Variants in SSBP4 observed in about 807,000 individuals in gnomAD.
The protein encoded by SSBP4 is single stranded DNA binding protein 4.
In SSBP4, 33 loss-of-function variants were observed where a neutral mutation model predicts 64.6. The observed-to-expected ratio is 0.51, with a 90% confidence interval of 0.39 to 0.68. SSBP4 has a LOEUF of 0.68. Ranked by LOEUF, SSBP4 falls within the 30% of genes least tolerant of loss-of-function variation. The pLI is 0.00. For synonymous variants in SSBP4, 243 were observed against 224.0 expected (o/e 1.08, Z -0.76); for missense variants, 583 against 566.8 (o/e 1.03, Z -0.29).
chr19:18,430,425 C>T (rs1034432195), intron 4 of SSBP4, among the ~76,000 whole-genome samples: 13 of 152,222 alleles, frequency 8.5e-5, no homozygotes, highest in African/African-American at 2.7e-4. Flanking sequence ...TTTCACCCTC[C>T]CTCCTGGACG....
Position 18,419,655 on chromosome 19 carries a change from G to A in SSBP4, c.7G>A (p.Ala3Thr). 2.4e-6 allele frequency: 3 copies of A among 1,252,544 alleles called. No homozygotes were observed. Among genetic ancestry groups the A allele is most frequent in the Non-Finnish European group, 3.0e-6 (3 of 993,814 alleles). 77.6% of individuals were successfully genotyped at this position (1,252,544 alleles called of 1,614,324 possible). A position where few individuals can be genotyped will look rare whatever the true frequency, so the allele number is the denominator to read the frequency against. ...GGCGGCGGCGTGGAGCAGCATGTAC[G>A]CCAAGGGGGGCAAGGGTTCGGCCGT... Reference protein sequence around the residue: MYAKGGKGSAVPS... With the variant: MYTKGGKGSAVPS... Residue 3 changes from alanine (A) to threonine (T), a missense_variant, in exon 1 of 18, where the codon GCC becomes ACC. Ala to Thr is a moderately conservative substitution (Grantham distance 58). This residue lies in a region of SSBP4 where 39 missense variants were observed against 25.7 expected (regional missense o/e 1.52). Coordinates refer to ENST00000270061, the MANE Select transcript of SSBP4 (RefSeq NM_032627.5).
At position 18,426,214 on chromosome 19, in the gene SSBP4, A is replaced by G. The variant is rs1391387418; in HGVS notation, c.60-1137A>G. On this transcript the variant is annotated intron_variant, in intron 1 of 17. Transcript: ENST00000270061. This position sits in a 1 kb window ranked among gnomAD's most constrained non-coding sequence, Gnocchi z 4.5. ...TGGAGCAGCCTGGCTGGGAGGGAGC[A>G]GAGCGTGAGTCAAAGGAAGGTTATT... is the stretch of plus-strand genomic sequence containing the variant. The G allele has an allele frequency of 6.6e-6, 1 of 152,332 alleles. No individual in the cohort carries two copies. Among genetic ancestry groups the G allele is most frequent in the Admixed American group, 6.5e-5 (1 of 15,276 alleles). 9.4% of individuals were successfully genotyped at this position (152,332 alleles called of 1,614,324 possible).
At chr19:18,420,600 C>T (rs1264440883) in intron 1 of SSBP4, among the ~76,000 whole-genome samples, 1 of 152,088 alleles carries the variant, frequency 6.6e-6, no homozygotes, top group East Asian at 1.9e-4. Context: ...TGGCTCACGC[C>T]TGTAATCCCA....
chr19:18,431,298 A>G, intron 5 of SSBP4, 55 bp from the exon 6 acceptor site: 1 of 381,684 alleles, frequency 2.6e-6, no homozygotes, highest in Admixed American at 5.6e-5. Flanking sequence ...TCCCCTCCTC[A>G]GCCAAACCCA....
Position 18,419,556 on chromosome 19 carries a change from G to A in SSBP4, c.-93G>A. The A allele has an allele frequency of 8.5e-7, 1 of 1,179,404 alleles. No homozygotes were observed. The highest frequency in any genetic ancestry group is 1.1e-6 in the Non-Finnish European group (1 of 951,464). 73.1% of individuals were successfully genotyped at this position (1,179,404 alleles called of 1,614,324 possible). On this transcript the variant is annotated 5_prime_UTR_variant, in exon 1 of 18. Coordinates refer to ENST00000270061, the MANE Select transcript of SSBP4 (RefSeq NM_032627.5). ...GCCCGCCTGGGGCTCGGGGCGGTGA[G>A]GCCCGGGGCGCGGGGTAGCTATGGC... is the stretch of plus-strand genomic sequence containing the variant.
the SSBP4 span, among the ~76,000 whole-genome samples, chr19:18,405,396 C>T: frequency 6.6e-5 from 10 of 151,932 alleles, no homozygotes; most frequent in African/African-American, 1.5e-4. Flanking sequence ...CGTGATGGCT[C>T]ATGCCTGTAA....
intron 1 of SSBP4, among the ~76,000 whole-genome samples, chr19:18,424,901 G>A (rs1972736661): frequency 6.6e-6 from 1 of 151,930 alleles, no homozygotes; most frequent in East Asian, 1.9e-4. Context: ...GGCTCAGGGT[G>A]TCGAGGCTGG....
chr19:18,432,931 G>A, intron 13 of SSBP4, 42 bp from the exon 14 acceptor site: 1 of 1,614,042 alleles, frequency 6.2e-7, no homozygotes, highest in Non-Finnish European at 8.5e-7. Flanking sequence ...GTGTGTTTGG[G>A]GGAAACCCCG....
chr19:18,432,444 C>T lies in SSBP4; in HGVS notation c.705-115C>T, dbSNP rs529338826. ...ATGGTGGCCACTTTTCCAGCAACAT[C>T]TGCTGCTCTGTGGTCGGTCTGGGGA... On this transcript the variant is annotated intron_variant, in intron 10 of 17. Coordinates refer to ENST00000270061, the MANE Select transcript of SSBP4 (RefSeq NM_032627.5). 5.7e-5 allele frequency: 82 copies of T among 1,447,920 alleles called. 1 individual carries two copies. The South Asian group carries it at 1.0e-3, about 18-fold the overall frequency. The allele number at this position is 1,447,920 out of a possible 1,614,324, so 89.7% of individuals were successfully genotyped here. A position where few individuals can be genotyped will look rare whatever the true frequency, so the allele number is the denominator to read the frequency against.
rs1215407413 is a variant in SSBP4, at chr19:18,427,529, C to T, written c.132+106C>T. ...TGGGCCCGCGTTGCCCCTCTGATGGCCCTGGGAACTGAGGGCTCTGCAGGG... is the reference window on the plus strand; with the variant it reads ...TGGGCCCGCGTTGCCCCTCTGATGGTCCTGGGAACTGAGGGCTCTGCAGGG... On this transcript the variant is annotated intron_variant, in intron 2 of 17. Coordinates refer to ENST00000270061, the MANE Select transcript of SSBP4 (RefSeq NM_032627.5). This position sits in a 1 kb window ranked among gnomAD's most constrained non-coding sequence, Gnocchi z 4.4. 7.8e-6 allele frequency: 11 copies of T among 1,401,920 alleles called. No individual in the cohort carries two copies. The Admixed American group carries it at 2.2e-4, about 28-fold the overall frequency. 86.8% of individuals were successfully genotyped at this position (1,401,920 alleles called of 1,614,324 possible).
chr19:18,432,941 G>T, intron 13 of SSBP4, 32 bp from the exon 14 acceptor site: 1 of 1,614,052 alleles, frequency 6.2e-7, no homozygotes, highest in Non-Finnish European at 8.5e-7. Context: ...GGGAAACCCC[G>T]TCACACCTGG....
Position 18,431,693 on chromosome 19 carries a change from G to C in SSBP4, c.482G>C (p.Arg161Pro). The change falls in exon 7 of 18, where the codon CGG becomes CCG. Residue 161 changes from arginine (R) to proline (P), a missense_variant. Arg to Pro is a moderately radical substitution (Grantham distance 103). This residue lies in a region of SSBP4 where 444 missense variants were observed against 386.6 expected (regional missense o/e 1.15). Coordinates refer to ENST00000270061, the MANE Select transcript of SSBP4 (RefSeq NM_032627.5). Reference sequence around the variant, plus strand: ...CCAGGGGGCCCCCGGCCCACCCTGCGGATGCCGAGTCAGGTGAGAAAGGGA... The same window carrying C: ...CCAGGGGGCCCCCGGCCCACCCTGCCGATGCCGAGTCAGGTGAGAAAGGGA... The part of the protein sequence containing the change: ...RFPGGPRPTL[R>P]MPSQPPAGLP... 2 of 1,552,060 alleles carry C rather than the reference G, an allele frequency of 1.3e-6. No individual in the cohort carries two copies. The highest frequency in any genetic ancestry group is 1.7e-6 in the Non-Finnish European group (2 of 1,148,260).
At chr19:18,405,042 T>C in the SSBP4 span, among the ~76,000 whole-genome samples, 1 of 136,438 alleles carries the variant, frequency 7.3e-6, no homozygotes, top group Non-Finnish European at 1.5e-5. Flanking sequence ...CTCCCTGGGG[T>C]GGCCCCGCCT....
At chr19:18,429,851 G>T (rs553310476) in intron 4 of SSBP4, among the ~76,000 whole-genome samples, 2 of 152,154 alleles carry the variant, frequency 1.3e-5, no homozygotes, top group Non-Finnish European at 2.9e-5. Flanking sequence ...GAGGCTTGAG[G>T]CTAACCTCAG....
chr19:18,427,698 T>TGGTG lies in SSBP4; in HGVS notation c.133-51_133-48dup. ...GATGTTCTCTGGGCACCCTGCTGGGTGGTGGGGCAGGGTCAGGTAGGGCCA... is the reference window on the plus strand; with the variant it reads ...GATGTTCTCTGGGCACCCTGCTGGGTGGTGGGTGGGGCAGGGTCAGGTAGGGCCA... On this transcript the variant is annotated intron_variant, in intron 2 of 17. Coordinates refer to ENST00000270061, the MANE Select transcript of SSBP4 (RefSeq NM_032627.5). This position sits in a 1 kb window ranked among gnomAD's most constrained non-coding sequence, Gnocchi z 4.4. 2.0e-6 allele frequency: 3 copies of TGGTG among 1,531,194 alleles called. No homozygotes were observed. The South Asian group carries it at 3.8e-5, about 19-fold the overall frequency. 94.9% of individuals were successfully genotyped at this position (1,531,194 alleles called of 1,614,324 possible).
chr19:18,413,295 G>A, the SSBP4 span, among the ~76,000 whole-genome samples: 2 of 151,974 alleles, frequency 1.3e-5, no homozygotes, highest in African/African-American at 4.8e-5. Flanking sequence ...GGCAACCTCC[G>A]CTTCCTGGGT....
At chr19:18,406,994 G>C in the SSBP4 span, among the ~76,000 whole-genome samples, 1 of 152,118 alleles carries the variant, frequency 6.6e-6, no homozygotes, top group East Asian at 1.9e-4. Context: ...ACATCTCTGT[G>C]CCTTGGCTGC....
upstream of SSBP4, chr19:18,418,919 A>G: frequency 1.0e-6 from 1 of 964,090 alleles, no homozygotes; most frequent in Non-Finnish European, 1.2e-6. The surrounding 1 kb of genome is among the most constrained non-coding windows in gnomAD (Gnocchi z 6.7). Flanking sequence ...GGTGTGTGGC[A>G]GTGTATGTGT....
the SSBP4 span, among the ~76,000 whole-genome samples, chr19:18,403,689 GGGGGTCCT>G: frequency 6.7e-6 from 1 of 150,216 alleles, no homozygotes; most frequent in East Asian, 2.0e-4. Flanking sequence ...CCAGAAGTCT[GGGGGTCCT>G]GGGGTCCTGA....
Sources: allele counts gnomAD v4.1 joint callset (sites outside exome capture counted in the v4.1 genomes callset), GRCh38; gene constraint gnomAD v4.1.1; regional missense constraint gnomAD v4.1.1; non-coding constraint Gnocchi (gnomAD v3.1); transcripts MANE v1.5; gene names NCBI Gene and HGNC (gene_info 2026-07-23, HGNC 2026-07-21).